The following FBLN2 variants were observed in gnomAD, a reference collection of about 807,000 sequenced individuals.
The protein encoded by FBLN2 is fibulin 2.
In FBLN2, 81 loss-of-function variants were observed where a neutral mutation model predicts 123.7. The observed-to-expected ratio is 0.65, with a 90% confidence interval of 0.55 to 0.79. The LOEUF (loss-of-function observed/expected upper bound fraction) is 0.79. FBLN2 is among the 30% of genes least tolerant of loss of function. FBLN2 has a pLI of 0.00. For missense variants in FBLN2, 1,603 were observed against 1,681.3 expected (o/e 0.95, Z 0.81); for synonymous variants, 699 against 701.4 (o/e 1.00, Z 0.05).
chr3:13,608,084 G>C lies in FBLN2; in HGVS notation c.1329G>C (p.Glu443Asp). The C allele has an allele frequency of 6.3e-7, 1 of 1,589,258 alleles. No individual in the cohort carries two copies. The highest frequency in any genetic ancestry group is 2.3e-5 in the East Asian group (1 of 43,484). ...SPEGSTKDLIETCCAAGQQWA... is the reference protein window; with the variant it reads ...SPEGSTKDLIDTCCAAGQQWA... ...CAGGCTCCACCAAGGACCTGATCGA[G>C]ACTTGCTGCGCAGCCGGACAGCAGT... The change falls in exon 3 of 18, where the codon GAG becomes GAC. Residue 443 changes from glutamate (E) to aspartate (D), a missense_variant. By Grantham distance (45) the Glu-to-Asp change is conservative. Transcript: ENST00000404922.
Position 13,603,202 on chromosome 3 carries a change from C to T in FBLN2, c.1307-4860C>T, listed in dbSNP as rs184252656. Among the ~76,000 whole-genome samples the T allele has an allele frequency of 3.8e-3, 573 of 150,992 alleles. 5 individuals carry two copies. Among genetic ancestry groups the T allele is most frequent in the Admixed American group, 6.3e-3 (95 of 15,134 alleles). On this transcript the variant is annotated intron_variant, in intron 2 of 17. Coordinates refer to ENST00000404922, the MANE Select transcript of FBLN2 (RefSeq NM_001004019.2). The stretch of plus-strand genomic sequence containing the variant: ...CTGGGATTACAGGTGTGAGCCACTA[C>T]GCCTGGCCTCCTTTTTTCTTTCTTT...
chr3:13,629,591 C>T (rs1437251862), intron 13 of FBLN2, among the ~76,000 whole-genome samples: 3 of 152,048 alleles, frequency 2.0e-5, no homozygotes, highest in African/African-American at 7.2e-5. Context: ...TGTTGCTTTG[C>T]CTGTGTCTGT....
At chr3:13,636,743 C>T (rs188117701) in intron 17 of FBLN2, among the ~76,000 whole-genome samples, 175 bp downstream of exon 17, 1 of 152,194 alleles carries the variant, frequency 6.6e-6, no homozygotes, top group African/African-American at 2.4e-5. Flanking sequence ...TTAGAGAGTT[C>T]AGGGTTGAGA....
At position 13,559,583 on chromosome 3, in the gene FBLN2, A is replaced by C. The variant is rs576372476; in HGVS notation, c.-42+10375A>C. On this transcript the variant is annotated intron_variant, in intron 1 of 17. Coordinates refer to ENST00000404922, the MANE Select transcript of FBLN2 (RefSeq NM_001004019.2). Reference sequence around the variant, plus strand: ...AAGGGGAATGGGAAGTGCTGATTGGAGCTCCAGCAGGGTGATAGGGCCACA... The same window carrying C: ...AAGGGGAATGGGAAGTGCTGATTGGCGCTCCAGCAGGGTGATAGGGCCACA... Among the ~76,000 whole-genome samples the C allele has an allele frequency of 1.1e-3, 171 of 152,200 alleles. 1 individual carries two copies. The highest frequency in any genetic ancestry group is 3.7e-3 in the African/African-American group (152 of 41,534).
At chr3:13,626,324 G>A (rs1193079262) in intron 9 of FBLN2, 121 bp from the exon 10 acceptor site, 8 of 1,036,166 alleles carry the variant, frequency 7.7e-6, no homozygotes, top group Admixed American at 2.9e-5. Flanking sequence ...TCTCCGAATG[G>A]TGAGCTCCCT....
At chr3:13,606,252 T>C (rs1014035674) in intron 2 of FBLN2, among the ~76,000 whole-genome samples, 2 of 152,268 alleles carry the variant, frequency 1.3e-5, no homozygotes, top group Non-Finnish European at 2.9e-5. Flanking sequence ...TTCAGGAGTT[T>C]ATTATGTTTT....
chr3:13,629,743 C>T, intron 13 of FBLN2, 77 bp from the exon 14 acceptor site: 1 of 1,507,292 alleles, frequency 6.6e-7, no homozygotes, highest in Non-Finnish European at 8.9e-7. Context: ...TCCCCTTCGG[C>T]CCTGGATGGC....
intron 8 of FBLN2, among the ~76,000 whole-genome samples, chr3:13,620,712 G>A (rs1317005277): frequency 6.6e-6 from 1 of 152,206 alleles, no homozygotes; most frequent in African/African-American, 2.4e-5. Flanking sequence ...TAGGAAGTAT[G>A]GCAGTTCTGG....
At chr3:13,629,338 C>T (rs1254840931) in intron 13 of FBLN2, 46 bp downstream of exon 13, 1 of 1,545,814 alleles carries the variant, frequency 6.5e-7, no homozygotes, top group Non-Finnish European at 8.7e-7. Flanking sequence ...CCTGGCTGGT[C>T]CCCTGCCCTC....
intron 2 of FBLN2, among the ~76,000 whole-genome samples, chr3:13,586,661 C>T (rs911927285): frequency 2.3e-5 from 3 of 128,498 alleles, no homozygotes; most frequent in African/African-American, 1.1e-4. Context: ...CCATGCCCAG[C>T]TAATTTTTTT....
At position 13,608,048 on chromosome 3, in the gene FBLN2, G is replaced by T. The variant is rs544858174; in HGVS notation, c.1307-14G>T. The T allele has an allele frequency of 4.5e-6, 7 of 1,560,778 alleles. No individual in the cohort carries two copies. The African/African-American group carries it at 9.5e-5, about 21-fold the overall frequency. On this transcript the variant is annotated splice_polypyrimidine_tract_variant and intron_variant, in intron 2 of 17. Transcript: ENST00000404922. ...CTTATGAATGGTGACTCTGCCTCAT[G>T]TTGCTATCCACAGGCTCCACCAAGG... is the stretch of plus-strand genomic sequence containing the variant.
At position 13,571,393 on chromosome 3, in the gene FBLN2, C is replaced by G; in HGVS notation, c.1038C>G (p.Ala346=). The G allele has an allele frequency of 6.2e-7, 1 of 1,613,042 alleles. No homozygotes were observed. Among genetic ancestry groups the G allele is most frequent in the East Asian group, 2.2e-5 (1 of 44,826 alleles). ...PEENLILDAQ[A]TSRSTGPEGV... ...AGAACCTCATCCTGGATGCCCAAGCCACGTCCCGCAGCACTGGGCCGGAGG... is the reference window on the plus strand; with the variant it reads ...AGAACCTCATCCTGGATGCCCAAGCGACGTCCCGCAGCACTGGGCCGGAGG... Residue 346 remains alanine, a synonymous_variant, in exon 2 of 18, where the codon GCC becomes GCG. Transcript: ENST00000404922.
At chr3:13,598,607 AC>A (rs780325686) in intron 2 of FBLN2, among the ~76,000 whole-genome samples, 1 of 152,184 alleles carries the variant, frequency 6.6e-6, no homozygotes, top group Non-Finnish European at 1.5e-5. Context: ...AGATCATCCC[AC>A]CGACCTCTTG....
Position 13,638,294 on chromosome 3 carries a change from T to A in FBLN2, c.*375T>A. 1 of 448,268 alleles carries A rather than the reference T, an allele frequency of 2.2e-6. No homozygotes were observed. The highest frequency in any genetic ancestry group is 4.1e-6 in the Non-Finnish European group (1 of 241,720). The allele number at this position is 448,268 out of a possible 1,614,324, so 27.8% of individuals were successfully genotyped here. A position where few individuals can be genotyped will look rare whatever the true frequency, so the allele number is the denominator to read the frequency against. On this transcript the variant is annotated 3_prime_UTR_variant, in exon 18 of 18. Coordinates refer to ENST00000404922, the MANE Select transcript of FBLN2 (RefSeq NM_001004019.2). ...TGTTCCACTGTGATTAATTCTTTTC[T>A]TTTTTAAAAAATCATTTTAAAGTTT...
At chr3:13,631,170 G>A (rs1035431919) in intron 15 of FBLN2, among the ~76,000 whole-genome samples, 159 bp from the exon 16 acceptor site, 5 of 152,248 alleles carry the variant, frequency 3.3e-5, no homozygotes, top group African/African-American at 7.2e-5. Flanking sequence ...GTTTTGCTTC[G>A]TGGCCTTGGG....
intron 5 of FBLN2, 120 bp downstream of exon 5, chr3:13,614,284 C>A: frequency 1.0e-6 from 1 of 996,652 alleles, no homozygotes; most frequent in Non-Finnish European, 1.4e-6. Flanking sequence ...CTGCTCTAAA[C>A]AGAGTTCTGA....
At chr3:13,597,418 G>A (rs1704881803) in intron 2 of FBLN2, among the ~76,000 whole-genome samples, 1 of 152,206 alleles carries the variant, frequency 6.6e-6, no homozygotes, top group Admixed American at 6.5e-5. Context: ...ATGGCAGTCA[G>A]CAAGAGTTCC....
At chr3:13,577,500 T>C (rs1289140336) in intron 2 of FBLN2, among the ~76,000 whole-genome samples, 1 of 152,140 alleles carries the variant, frequency 6.6e-6, no homozygotes, top group Non-Finnish European at 1.5e-5. Flanking sequence ...GGACTTTGGC[T>C]TCTACTCTGA....
chr3:13,573,074 C>T (rs3773298), intron 2 of FBLN2, among the ~76,000 whole-genome samples: 16,022 of 152,158 alleles, frequency 0.11, 2,578 homozygotes, highest in African/African-American at 0.34. Flanking sequence ...CACAGACCCA[C>T]AGACATTGGA....
Sources: allele counts gnomAD v4.1 joint callset (sites outside exome capture counted in the v4.1 genomes callset), GRCh38; gene constraint gnomAD v4.1.1; transcripts MANE v1.5; gene names NCBI Gene and HGNC (gene_info 2026-07-23, HGNC 2026-07-21).